Variants in RBKS observed in about 807,000 individuals in gnomAD.
The protein encoded by RBKS is ribokinase.
RBKS carries 33 observed loss-of-function variants against 33.9 expected under a neutral mutation model. The observed-to-expected ratio is 0.97, with a 90% CI of 0.74 to 1.30. The LOEUF (loss-of-function observed/expected upper bound fraction) is 1.30, where lower values mean the gene tolerates loss of function less well. Among genes scored for constraint, RBKS ranks in the 50% most tolerant of loss-of-function variants. RBKS has a pLI of 0.00. For synonymous variants in RBKS, 125 were observed against 143.0 expected, an observed-to-expected ratio of 0.87 and a Z score of 0.90; for missense variants, 361 against 392.6, an observed-to-expected ratio of 0.92 and a Z score of 0.68.
intron 7 of RBKS, among the ~76,000 whole-genome samples, chr2:27,802,699 G>A (rs1677822542): frequency 6.6e-6 from 1 of 152,130 alleles, no homozygotes; most frequent in African/African-American, 2.4e-5. Context: ...TCCTCACTGA[G>A]CCAGAAATCC....
chr2:27,832,007 T>C (rs1386012310), intron 6 of RBKS, among the ~76,000 whole-genome samples: 2 of 152,222 alleles, frequency 1.3e-5, no homozygotes, highest in African/African-American at 4.8e-5. Flanking sequence ...ATCCCATTGA[T>C]GGGCGAGAGC....
At position 27,880,974 on chromosome 2, in the gene RBKS, G is replaced by A. The variant is rs1664405438; in HGVS notation, c.89+9283C>T. Among the ~76,000 whole-genome samples the A allele has an allele frequency of 1.4e-4, 22 of 152,230 alleles. No individual in the cohort carries two copies. In the South Asian group the frequency reaches 4.4e-3, roughly 30 times the overall value. ...CACACCTGTAATCCCAGCACTTTGG[G>A]AGGCTGAGGTGGGTGGGTTGCTTCA... On this transcript the variant is annotated intron_variant, in intron 1 of 7. Transcript: ENST00000302188.
chr2:27,839,073 C>T (rs1476509481), intron 5 of RBKS, among the ~76,000 whole-genome samples: 1 of 152,128 alleles, frequency 6.6e-6, no homozygotes, highest in Non-Finnish European at 1.5e-5. Flanking sequence ...ACACTGTGAG[C>T]ATGTTGGGAC....
At chr2:27,807,787 G>C (rs1484197690) in intron 7 of RBKS, among the ~76,000 whole-genome samples, 1 of 152,040 alleles carries the variant, frequency 6.6e-6, no homozygotes, top group African/African-American at 2.4e-5. Flanking sequence ...ATTTAATTTT[G>C]GATGCCAGAA....
intron 1 of RBKS, among the ~76,000 whole-genome samples, chr2:27,865,950 C>G (rs1048138377): frequency 6.6e-6 from 1 of 152,028 alleles, no homozygotes; most frequent in Non-Finnish European, 1.5e-5. Flanking sequence ...TGTCAATTGC[C>G]TTTTAAAGAA....
At chr2:27,821,467 G>GTGTA (rs1678204899) in intron 7 of RBKS, among the ~76,000 whole-genome samples, 1 of 152,106 alleles carries the variant, frequency 6.6e-6, no homozygotes, top group Non-Finnish European at 1.5e-5. Flanking sequence ...ATATTCAAAA[G>GTGTA]TGTATGACTA....
chr2:27,875,508 G>A (rs546298923), intron 1 of RBKS, among the ~76,000 whole-genome samples: 11 of 152,182 alleles, frequency 7.2e-5, no homozygotes, highest in South Asian at 2.1e-4. Context: ...AGCTGCGATC[G>A]CAACACTGCA....
chr2:27,836,464 C>T (rs1678520884), intron 5 of RBKS, among the ~76,000 whole-genome samples: 1 of 152,036 alleles, frequency 6.6e-6, no homozygotes, highest in Non-Finnish European at 1.5e-5. Flanking sequence ...TGAAACTAGA[C>T]CCTTATCTTT....
chr2:27,820,664 G>A (rs1157994432), intron 7 of RBKS, among the ~76,000 whole-genome samples: 1 of 151,500 alleles, frequency 6.6e-6, no homozygotes, highest in East Asian at 1.9e-4. Context: ...CTCCTGCCTC[G>A]GCCTCCCAAA....
intron 7 of RBKS, among the ~76,000 whole-genome samples, chr2:27,796,837 C>T (rs1267941565): frequency 6.6e-6 from 1 of 152,096 alleles, no homozygotes; most frequent in Non-Finnish European, 1.5e-5. Flanking sequence ...GGCAATGTTG[C>T]CATAGGGAGG....
intron 1 of RBKS, among the ~76,000 whole-genome samples, chr2:27,882,758 C>T (rs1459841294): frequency 2.0e-5 from 3 of 152,216 alleles, no homozygotes; most frequent in African/African-American, 7.2e-5. Context: ...TTAAAAAGAA[C>T]GACATCATGT....
At chr2:27,817,294 T>C (rs529824727) in intron 7 of RBKS, among the ~76,000 whole-genome samples, 84 of 152,332 alleles carry the variant, frequency 5.5e-4, no homozygotes, top group African/African-American at 1.9e-3. Flanking sequence ...TCACTACCTT[T>C]ATAGTTTAGC....
chr2:27,808,244 C>A (rs1677928247), intron 7 of RBKS, among the ~76,000 whole-genome samples: 1 of 152,192 alleles, frequency 6.6e-6, no homozygotes, highest in African/African-American at 2.4e-5. Context: ...TGACACTGAT[C>A]TTCTGAATTT....
At chr2:27,823,557 A>G (rs1320140154) in intron 7 of RBKS, among the ~76,000 whole-genome samples, 2 of 152,210 alleles carry the variant, frequency 1.3e-5, no homozygotes, top group African/African-American at 2.4e-5. Context: ...TTTGTTCAGA[A>G]GAAAATGCCT....
chr2:27,824,677 T>C (rs993270660), intron 7 of RBKS, among the ~76,000 whole-genome samples: 4 of 152,236 alleles, frequency 2.6e-5, no homozygotes, highest in Non-Finnish European at 1.5e-5. Flanking sequence ...AATGCTGCTA[T>C]GAACATTCAC....
chr2:27,876,248 T>G (rs1367986865), intron 1 of RBKS, among the ~76,000 whole-genome samples: 1 of 152,194 alleles, frequency 6.6e-6, no homozygotes, highest in Non-Finnish European at 1.5e-5. Flanking sequence ...TGTCCACTGA[T>G]AGATGAATAA....
intron 7 of RBKS, among the ~76,000 whole-genome samples, chr2:27,801,390 A>T (rs1298773896): frequency 6.6e-6 from 1 of 151,504 alleles, no homozygotes; most frequent in Non-Finnish European, 1.5e-5. Flanking sequence ...GAAAGGGGTC[A>T]AAATCCATTC....
chr2:27,828,209 G>A (rs1034828274), intron 6 of RBKS, among the ~76,000 whole-genome samples: 4 of 152,030 alleles, frequency 2.6e-5, no homozygotes, highest in Admixed American at 2.0e-4. Context: ...GTTAGCAAAT[G>A]TTTAGGTGAA....
chr2:27,801,949 GGAAAAA>G (rs1294858596), intron 7 of RBKS, among the ~76,000 whole-genome samples: 660 of 54,362 alleles, frequency 0.012, 7 homozygotes, highest in African/African-American at 0.045. Context: ...GAGTAGCTGG[GGAAAAA>G]AAAAAAAAAT....
Sources: gnomAD v4.1 joint callset for allele counts (sites outside exome capture counted in the v4.1 genomes callset) on GRCh38, gnomAD v4.1.1 for gene constraint, MANE v1.5 for transcripts, NCBI Gene and HGNC (gene_info 2026-07-23, HGNC 2026-07-21) for gene names.